CXXC4: variants seen among roughly 807,000 people sequenced by gnomAD.
CXXC4 encodes the protein CXXC finger protein 4, also known as CXXC-type zinc finger protein 4.
A neutral mutation model predicts 20.5 loss-of-function variants in CXXC4; 5 were observed. The observed-to-expected ratio is 0.24, with a 90% CI of 0.13 to 0.51. The LOEUF (loss-of-function observed/expected upper bound fraction) is 0.51. CXXC4 is among the 20% of genes least tolerant of loss of function. The probability of loss-of-function intolerance (pLI) is 0.97; values close to 1 mark genes in which losing one functional copy is unlikely to be tolerated. For missense variants in CXXC4, 419 were observed against 496.4 expected (o/e 0.84, Z 1.48); for synonymous variants, 250 against 216.4 (o/e 1.16, Z -1.36).
intron 2 of CXXC4, among the ~76,000 whole-genome samples, chr4:104,478,957 T>C (rs1344008007): frequency 2.0e-5 from 3 of 152,074 alleles, no homozygotes; most frequent in Non-Finnish European, 1.5e-5. Context: ...TAAATATATA[T>C]GGTTATAGAC....
chr4:104,483,631 T>C (rs1036396619), intron 2 of CXXC4, among the ~76,000 whole-genome samples: 2 of 151,996 alleles, frequency 1.3e-5, no homozygotes, highest in African/African-American at 4.8e-5. Flanking sequence ...GTTAAATATG[T>C]TCACTTTCTA....
chr4:104,482,067 T>C (rs1376820501), intron 2 of CXXC4, among the ~76,000 whole-genome samples: 2 of 152,210 alleles, frequency 1.3e-5, no homozygotes, highest in Non-Finnish European at 2.9e-5. Flanking sequence ...CATACATTTC[T>C]TTAAGTGTAC....
chr4:104,487,667 G>A (rs1032906426), intron 2 of CXXC4, among the ~76,000 whole-genome samples: 23 of 152,172 alleles, frequency 1.5e-4, no homozygotes, highest in African/African-American at 4.8e-4. Flanking sequence ...GAGAGCATTT[G>A]TAATGACTGC....
At chr4:104,488,650 G>C (rs1395075317) in intron 2 of CXXC4, among the ~76,000 whole-genome samples, 1 of 152,108 alleles carries the variant, frequency 6.6e-6, no homozygotes, top group Non-Finnish European at 1.5e-5. Context: ...TTTTGTGCAT[G>C]AGAATTTTTT....
At chr4:104,474,876 C>T (rs1321081804) in intron 2 of CXXC4, among the ~76,000 whole-genome samples, 1 of 152,008 alleles carries the variant, frequency 6.6e-6, no homozygotes, top group African/African-American at 2.4e-5. Flanking sequence ...ACTTTTAAAT[C>T]TCTTTTCCAA....
At chr4:104,474,040 C>G (rs1259586089) in intron 2 of CXXC4, among the ~76,000 whole-genome samples, 3 of 151,924 alleles carry the variant, frequency 2.0e-5, no homozygotes, top group African/African-American at 7.2e-5. Flanking sequence ...TTTTAAAAGA[C>G]TGTCCTCATC....
chr4:104,469,850 AT>A lies in CXXC4; in HGVS notation c.*2471del, dbSNP rs1416364764. 6.6e-6 allele frequency: 1 copy of A among 152,112 alleles called. No homozygotes were observed. The highest frequency in any genetic ancestry group is 1.5e-5 in the Non-Finnish European group (1 of 68,002). The allele number at this position is 152,112 out of a possible 1,614,324, so 9.4% of individuals were successfully genotyped here. On this transcript the variant is annotated 3_prime_UTR_variant, in exon 3 of 3. Transcript: ENST00000394767. The stretch of plus-strand genomic sequence containing the variant: ...CAACAAATTTTCTTTCATTAAAAAA[AT>A]GAATTGACATGTAAAACACCACAGT...
chr4:104,494,222 T>C (rs1224448968), intron 1 of CXXC4, among the ~76,000 whole-genome samples: 2 of 152,246 alleles, frequency 1.3e-5, no homozygotes, highest in East Asian at 1.9e-4. Flanking sequence ...TATAGTTCTA[T>C]GCCAAAGCTA....
In CXXC4 at chr4:104,491,460, C is replaced by G; in HGVS notation, c.343G>C (p.Gly115Arg). The stretch of plus-strand genomic sequence containing the variant: ...CCGCCGCCGCCGCCGCCACCCCCCC[C>G]GCCGCCGCCCCCGCCCCCGCCGCTG... ...WGSGGGGGGG[G>R]GGGGGGGGGG... The change falls in exon 2 of 3, where the codon GGG becomes CGG. Residue 115 changes from glycine to arginine, a missense_variant. By Grantham distance (125) the Gly-to-Arg change is moderately radical (BLOSUM62 -2). Transcript: ENST00000394767. The G allele has an allele frequency of 1.1e-6, 1 of 912,010 alleles. No individual in the cohort carries two copies. Among genetic ancestry groups the G allele is most frequent in the Non-Finnish European group, 1.4e-6 (1 of 740,676 alleles). The allele number at this position is 912,010 out of a possible 1,614,324, so 56.5% of individuals were successfully genotyped here.
chr4:104,475,061 A>G (rs1560538640), intron 2 of CXXC4: 4 of 152,274 alleles, frequency 2.6e-5, no homozygotes, highest in Non-Finnish European at 4.4e-5. Flanking sequence ...ACACGAGAAA[A>G]GCAGAAAAAA....
At chr4:104,473,417 T>C (rs1736326033) in intron 2 of CXXC4, among the ~76,000 whole-genome samples, 1 of 151,876 alleles carries the variant, frequency 6.6e-6, no homozygotes, top group Non-Finnish European at 1.5e-5. Context: ...AAAAAGCTTA[T>C]AGTTACTATG....
In CXXC4 at chr4:104,468,758, C is replaced by T. The variant is rs748103846; in HGVS notation, c.*3564G>A. Reference sequence around the variant, plus strand: ...CATGAGAACCAACTGTTTGATATCACTGTGAATCTAACCATGATCAAAGAC... The same window carrying T: ...CATGAGAACCAACTGTTTGATATCATTGTGAATCTAACCATGATCAAAGAC... On this transcript the variant is annotated 3_prime_UTR_variant, in exon 3 of 3. Transcript: ENST00000394767. 3 of 151,666 alleles carry T rather than the reference C, an allele frequency of 2.0e-5. No homozygotes were observed. The highest frequency in any genetic ancestry group is 4.4e-5 in the Non-Finnish European group (3 of 67,898). 9.4% of individuals were successfully genotyped at this position (151,666 alleles called of 1,614,324 possible). A position where few individuals can be genotyped will look rare whatever the true frequency, so the allele number is the denominator to read the frequency against.
rs1243142674 is a variant in CXXC4 at position 104,470,228 on chromosome 4, C to G, written c.*2094G>C. 1 of 148,270 alleles carries G rather than the reference C, an allele frequency of 6.7e-6. No individual in the cohort carries two copies. The highest frequency in any genetic ancestry group is 2.5e-5 in the African/African-American group (1 of 40,520). 9.2% of individuals were successfully genotyped at this position (148,270 alleles called of 1,614,324 possible). On this transcript the variant is annotated 3_prime_UTR_variant, in exon 3 of 3. Transcript: ENST00000394767. Reference sequence around the variant, plus strand: ...CCCACAGCAGAAGCTGAAATTCTAACTAGATAGAAACCCTCAAAGAAATAT... The same window carrying G: ...CCCACAGCAGAAGCTGAAATTCTAAGTAGATAGAAACCCTCAAAGAAATAT...
chr4:104,493,064 ACG>A (rs1233986805), intron 1 of CXXC4, among the ~76,000 whole-genome samples: 2 of 150,606 alleles, frequency 1.3e-5, no homozygotes, highest in African/African-American at 4.9e-5. Context: ...GGGGGCTTTA[ACG>A]TGTTCTTTGC....
chr4:104,476,652 ATAAC>A (rs144850927), intron 2 of CXXC4, among the ~76,000 whole-genome samples: 12,468 of 152,128 alleles, frequency 0.082, 1,437 homozygotes, highest in African/African-American at 0.26. Context: ...AGAAATGTCT[ATAAC>A]TAAAGTTAAA....
At chr4:104,493,105 A>G (rs1736946310) in intron 1 of CXXC4, among the ~76,000 whole-genome samples, 1 of 151,964 alleles carries the variant, frequency 6.6e-6, no homozygotes, top group Non-Finnish European at 1.5e-5. Flanking sequence ...TTATTTTTTA[A>G]TTTTGCTCTT....
chr4:104,480,630 A>T (rs1391777165), intron 2 of CXXC4, among the ~76,000 whole-genome samples: 1 of 152,136 alleles, frequency 6.6e-6, no homozygotes, highest in African/African-American at 2.4e-5. Context: ...GAAAAAAAAA[A>T]ATGCTTAGTG....
chr4:104,486,274 A>C (rs1736692164), intron 2 of CXXC4, among the ~76,000 whole-genome samples: 1 of 152,130 alleles, frequency 6.6e-6, no homozygotes, highest in Non-Finnish European at 1.5e-5. Flanking sequence ...CTGTGGGTAC[A>C]ACATGATATT....
chr4:104,472,645 A>G (rs898394114), intron 2 of CXXC4, among the ~76,000 whole-genome samples: 2 of 152,020 alleles, frequency 1.3e-5, no homozygotes, highest in African/African-American at 2.4e-5. Flanking sequence ...GAAGCAGAAT[A>G]AAGGTAAAGT....
Sources: gnomAD v4.1 joint callset for allele counts (sites outside exome capture counted in the v4.1 genomes callset) on GRCh38, gnomAD v4.1.1 for gene constraint, MANE v1.5 for transcripts, NCBI Gene and HGNC (gene_info 2026-07-23, HGNC 2026-07-21) for gene names.